TNFRSF19: variants seen among roughly 807,000 people sequenced by gnomAD.
TNFRSF19 encodes TNF receptor superfamily member 19.
A neutral mutation model predicts 46.4 loss-of-function variants in TNFRSF19; 27 were observed. The observed-to-expected ratio is 0.58, with a 90% CI of 0.43 to 0.80. The LOEUF is 0.80. Ranked by LOEUF, TNFRSF19 falls within the 30% of genes least tolerant of loss-of-function variation. The probability of loss-of-function intolerance (pLI) is 0.00; values close to 1 mark genes in which losing one functional copy is unlikely to be tolerated. For synonymous variants in TNFRSF19, 204 were observed against 205.0 expected (o/e 1.00, Z 0.04); for missense variants, 511 against 530.8 (o/e 0.96, Z 0.37).
At position 23,674,528 on chromosome 13, in the gene TNFRSF19, C is replaced by T. The variant is rs945489524; in HGVS notation, c.*1148C>T. 2 of 152,142 alleles carry T rather than the reference C, an allele frequency of 1.3e-5. No homozygotes were observed. Among genetic ancestry groups the T allele is most frequent in the African/African-American group, 2.4e-5 (1 of 41,424 alleles). 9.4% of individuals were successfully genotyped at this position (152,142 alleles called of 1,614,324 possible). On this transcript the variant is annotated 3_prime_UTR_variant, in exon 10 of 10. Coordinates refer to ENST00000248484, the MANE Select transcript of TNFRSF19 (RefSeq NM_148957.4). ...CCATCCGGTGTTGGATTTAAGAGGA[C>T]GGTGCTTCTTTCTATTAAAGTGCTC... is the stretch of plus-strand genomic sequence containing the variant.
At chr13:23,603,134 A>G (rs1880278998) in intron 3 of TNFRSF19, among the ~76,000 whole-genome samples, 1 of 152,058 alleles carries the variant, frequency 6.6e-6, no homozygotes, top group South Asian at 2.1e-4. Flanking sequence ...GAGAGGACAC[A>G]AAGTACTAAT....
chr13:23,623,124 C>CG (rs1444543911), intron 4 of TNFRSF19, among the ~76,000 whole-genome samples: 1 of 152,152 alleles, frequency 6.6e-6, no homozygotes, highest in Non-Finnish European at 1.5e-5. Flanking sequence ...GCTTCTTCCC[C>CG]CAGCCCGTGG....
intron 1 of TNFRSF19, among the ~76,000 whole-genome samples, chr13:23,575,670 AACTT>A (rs1341543037): frequency 1.3e-5 from 2 of 152,218 alleles, no homozygotes; most frequent in Non-Finnish European, 2.9e-5. Flanking sequence ...TTTTAATGAG[AACTT>A]ACTATGTGCC....
intron 3 of TNFRSF19, chr13:23,594,143 G>T: frequency 2.4e-6 from 1 of 411,072 alleles, no homozygotes. Context: ...TACACCACTG[G>T]GGCCCTGAGT....
chr13:23,628,373 C>G (rs962108428), intron 5 of TNFRSF19, among the ~76,000 whole-genome samples: 8 of 152,158 alleles, frequency 5.3e-5, no homozygotes, highest in African/African-American at 1.7e-4. Flanking sequence ...CACGACACAA[C>G]CCATCAAAGG....
In TNFRSF19 at chr13:23,675,692, G is replaced by A. The variant is rs1231337150; in HGVS notation, c.*2312G>A. The A allele has an allele frequency of 6.6e-6, 1 of 152,180 alleles. No individual in the cohort carries two copies. The highest frequency in any genetic ancestry group is 1.5e-5 in the Non-Finnish European group (1 of 68,034). The allele number at this position is 152,180 out of a possible 1,614,324, so 9.4% of individuals were successfully genotyped here. On this transcript the variant is annotated 3_prime_UTR_variant, in exon 10 of 10. Transcript: ENST00000248484. ...CAATAAACTCAGCTGCTAGAGTGCC[G>A]ATGTCAGGAGGGCTGTGTCGGGTAA...
rs11389906 is a variant in TNFRSF19 at position 23,629,086 on chromosome 13, C to CTT, written c.445+2307_445+2308dup. ...ATGTTTTCATTTCTTCCACTTTGGG[C>CTT]TTTTTTTTTTTTTTAGCTCATCCAC... On this transcript the variant is annotated intron_variant, in intron 5 of 9. Transcript: ENST00000248484. 4.0e-3 allele frequency among the ~76,000 whole-genome samples: 563 copies of CTT among 142,512 alleles called. 3 individuals carry two copies. Among genetic ancestry groups the CTT allele is most frequent in the African/African-American group, 9.2e-3 (358 of 38,844 alleles). 93.5% of individuals were successfully genotyped at this position (142,512 alleles called of 152,430 possible).
At chr13:23,579,374 G>C (rs956464151) in intron 1 of TNFRSF19, 5 of 152,732 alleles carry the variant, frequency 3.3e-5, no homozygotes, top group Non-Finnish European at 4.4e-5. Flanking sequence ...CCGGGCTACG[G>C]GAGAGCGCGG....
At chr13:23,589,849 A>G (rs1448186951) in intron 1 of TNFRSF19, among the ~76,000 whole-genome samples, 1 of 141,880 alleles carries the variant, frequency 7.0e-6, no homozygotes, top group Non-Finnish European at 1.5e-5. Context: ...AGTGAAGTAG[A>G]TTGGCTGCTG....
intron 5 of TNFRSF19, among the ~76,000 whole-genome samples, chr13:23,635,503 C>T (rs1004161617): frequency 3.3e-5 from 5 of 152,056 alleles, no homozygotes; most frequent in Admixed American, 6.5e-5. Context: ...CTCAGCCTCC[C>T]AGGTAGCTGG....
intron 5 of TNFRSF19, among the ~76,000 whole-genome samples, chr13:23,638,622 G>A (rs1256714810): frequency 4.6e-5 from 7 of 152,196 alleles, no homozygotes; most frequent in African/African-American, 1.7e-4. Flanking sequence ...TTTGGTTGAG[G>A]AACTGACCAG....
intron 4 of TNFRSF19, 61 bp from the exon 5 acceptor site, chr13:23,626,646 T>G (rs907226559): frequency 1.3e-6 from 2 of 1,536,064 alleles, no homozygotes; most frequent in Non-Finnish European, 1.8e-6. Context: ...TGGTAATTTA[T>G]GACCACAACT....
At chr13:23,672,063 C>G (rs1186773385) in intron 9 of TNFRSF19, among the ~76,000 whole-genome samples, 1 of 152,184 alleles carries the variant, frequency 6.6e-6, no homozygotes, top group Non-Finnish European at 1.5e-5. Context: ...GCACTTCTGT[C>G]TTTACGTGGT....
chr13:23,593,219 A>C (rs896410137), intron 2 of TNFRSF19, 126 bp from the exon 3 acceptor site: 2 of 538,790 alleles, frequency 3.7e-6, no homozygotes, highest in Non-Finnish European at 6.4e-6. Flanking sequence ...GTGAACATTG[A>C]ATTGACTTGA....
At chr13:23,598,456 A>T (rs1879896569) in intron 3 of TNFRSF19, among the ~76,000 whole-genome samples, 1 of 152,224 alleles carries the variant, frequency 6.6e-6, no homozygotes, top group Non-Finnish European at 1.5e-5. Context: ...TCTTTTTCTT[A>T]AAATGAATGT....
chr13:23,649,536 A>C (rs1172254810), intron 5 of TNFRSF19, among the ~76,000 whole-genome samples: 1 of 150,106 alleles, frequency 6.7e-6, no homozygotes, highest in African/African-American at 2.5e-5. Flanking sequence ...TTATTTTCCT[A>C]TTCTCTATTT....
intron 5 of TNFRSF19, among the ~76,000 whole-genome samples, chr13:23,655,005 T>C (rs967817575): frequency 4.0e-4 from 61 of 152,180 alleles, no homozygotes; most frequent in African/African-American, 1.4e-3. Flanking sequence ...GTCTCTCCAA[T>C]AGATGTGTTT....
rs199790824 is a variant in TNFRSF19 at position 23,658,165 on chromosome 13, C to T, written c.446-885C>T. 2.6e-5 allele frequency among the ~76,000 whole-genome samples: 4 copies of T among 152,128 alleles called. No individual in the cohort carries two copies. The East Asian group carries it at 7.7e-4, about 29-fold the overall frequency. ...CTCTGATTTAAATGAGTTTGTTTAT[C>T]CTGGTACCCTCAGGATAGTTTTAAA... On this transcript the variant is annotated intron_variant, in intron 5 of 9. Coordinates refer to ENST00000248484, the MANE Select transcript of TNFRSF19 (RefSeq NM_148957.4).
chr13:23,666,974 C>A (rs1951646347), intron 7 of TNFRSF19, among the ~76,000 whole-genome samples: 2 of 152,056 alleles, frequency 1.3e-5, no homozygotes, highest in Non-Finnish European at 2.9e-5. Flanking sequence ...TACACACAAA[C>A]ATATAGCTAT....
Sources: allele counts gnomAD v4.1 joint callset (sites outside exome capture counted in the v4.1 genomes callset), GRCh38; gene constraint gnomAD v4.1.1; transcripts MANE v1.5; gene names NCBI Gene and HGNC (gene_info 2026-07-23, HGNC 2026-07-21).